Variants in RBBP5 observed in about 807,000 individuals in gnomAD.
RBBP5 encodes RB binding protein 5, histone lysine methyltransferase complex subunit, also known as retinoblastoma-binding protein 5.
In RBBP5, 5 loss-of-function variants were observed where a neutral mutation model predicts 72.2. The ratio of observed to expected loss-of-function variants is 0.07; its 90% CI spans 0.04 to 0.15. The LOEUF (loss-of-function observed/expected upper bound fraction) is 0.15. Ranked by LOEUF, RBBP5 falls within the 10% of genes least tolerant of loss-of-function variation. The pLI is 1.00. For synonymous variants in RBBP5, 209 were observed against 237.2 expected, an observed-to-expected ratio of 0.88 and a Z score of 1.09; for missense variants, 322 against 652.2, an observed-to-expected ratio of 0.49 and a Z score of 5.51.
intron 3 of RBBP5, among the ~76,000 whole-genome samples, chr1:205,109,038 GGC>G (rs1288832323): frequency 6.6e-6 from 1 of 152,274 alleles, no homozygotes; most frequent in East Asian, 1.9e-4. Flanking sequence ...AACAGAGGAA[GGC>G]AGGGGTAAGC....
chr1:205,113,067 G>A lies in RBBP5; in HGVS notation c.218+1722C>T, dbSNP rs531415178. Among the ~76,000 whole-genome samples, 18 of 152,158 alleles carry A rather than the reference G, an allele frequency of 1.2e-4. No individual in the cohort carries two copies. The East Asian group carries it at 2.7e-3, about 23-fold the overall frequency. Reference sequence around the variant, plus strand: ...TTCAAGGTTGCAGTGAACTGTGATCGTGCCTGTGACTAGCCACTGCACTCC... The same window carrying A: ...TTCAAGGTTGCAGTGAACTGTGATCATGCCTGTGACTAGCCACTGCACTCC... On this transcript the variant is annotated intron_variant, in intron 3 of 13. Coordinates refer to ENST00000264515, the MANE Select transcript of RBBP5 (RefSeq NM_005057.4).
chr1:205,098,899 C>T (rs1413360173), intron 10 of RBBP5, 90 bp downstream of exon 10: 2 of 810,752 alleles, frequency 2.5e-6, no homozygotes, highest in Non-Finnish European at 3.6e-6. Context: ...AGATGAAGTG[C>T]TGAAATAAAT....
chr1:205,099,597 A>G lies in RBBP5; in HGVS notation c.978+144T>C. 2.4e-6 allele frequency: 2 copies of G among 824,134 alleles called. No homozygotes were observed. The highest frequency in any genetic ancestry group is 3.7e-6 in the Non-Finnish European group (2 of 543,284). 51.1% of individuals were successfully genotyped at this position (824,134 alleles called of 1,614,324 possible). A position where few individuals can be genotyped will look rare whatever the true frequency, so the allele number is the denominator to read the frequency against. On this transcript the variant is annotated intron_variant, in intron 9 of 13. Coordinates refer to ENST00000264515, the MANE Select transcript of RBBP5 (RefSeq NM_005057.4). This position sits in a 1 kb window ranked among gnomAD's most constrained non-coding sequence, Gnocchi z 4.7. ...CTTCCCACCAAAATAAAGTGCAACT[A>G]GATGCACTGAACCTATGTAATTTAG... is the stretch of plus-strand genomic sequence containing the variant.
chr1:205,087,628 T>C lies in RBBP5; in HGVS notation c.*1159A>G, dbSNP rs973839465. On this transcript the variant is annotated 3_prime_UTR_variant, in exon 14 of 14. Coordinates refer to ENST00000264515, the MANE Select transcript of RBBP5 (RefSeq NM_005057.4). ...AGCTAAAAACGCCACTCAGAGAAGC[T>C]ACTGAGCCCTTTTCACACCTGGTTT... 1 of 148,268 alleles carries C rather than the reference T, an allele frequency of 6.7e-6. No homozygotes were observed. The highest frequency in any genetic ancestry group is 2.5e-5 in the African/African-American group (1 of 40,042). 9.2% of individuals were successfully genotyped at this position (148,268 alleles called of 1,614,324 possible).
At chr1:205,092,127 T>C (rs2102251163) in intron 13 of RBBP5, among the ~76,000 whole-genome samples, 1 of 152,220 alleles carries the variant, frequency 6.6e-6, no homozygotes, top group Admixed American at 6.5e-5. Context: ...ACATGATAGG[T>C]TGCCCTAAAA....
chr1:205,117,431 C>A (rs1279941020), intron 1 of RBBP5, among the ~76,000 whole-genome samples: 1 of 151,596 alleles, frequency 6.6e-6, no homozygotes, highest in Non-Finnish European at 1.5e-5. Context: ...GAAGCTGAGG[C>A]AGGTGGATCA....
chr1:205,105,130 G>C lies in RBBP5; in HGVS notation c.257C>G (p.Thr86Ser). The part of the protein sequence containing the change: ...RDGHKLVSAS[T>S]DNIVSQWDVL... ...ATCCCACTGTGACACTATGTTATCA[G>C]TGGAAGCACTCACGAGTTTATGACC... The change falls in exon 4 of 14, where the codon ACT becomes AGT. Residue 86 changes from threonine to serine, a missense_variant. Coordinates refer to ENST00000264515, the MANE Select transcript of RBBP5 (RefSeq NM_005057.4). 6.2e-7 allele frequency: 1 copy of C among 1,613,610 alleles called. No homozygotes were observed.
At chr1:205,102,972 A>G (rs945746633) in intron 5 of RBBP5, among the ~76,000 whole-genome samples, 1 of 150,468 alleles carries the variant, frequency 6.6e-6, no homozygotes, top group African/African-American at 2.5e-5. Flanking sequence ...CAGCCTGGGC[A>G]ACAACAAGAG....
At chr1:205,094,542 C>T (rs1655536940) in intron 13 of RBBP5, among the ~76,000 whole-genome samples, 1 of 152,214 alleles carries the variant, frequency 6.6e-6, no homozygotes. Context: ...ACCAGAGGTT[C>T]TTACCCTTCT....
At chr1:205,092,917 C>G (rs756911808) in intron 13 of RBBP5, among the ~76,000 whole-genome samples, 1 of 152,134 alleles carries the variant, frequency 6.6e-6, no homozygotes, top group African/African-American at 2.4e-5. Flanking sequence ...GGGATAGACA[C>G]GTTTTAAGAA....
intron 6 of RBBP5, 111 bp downstream of exon 6, chr1:205,101,489 C>T (rs1430054336): frequency 1.0e-5 from 7 of 701,208 alleles, no homozygotes; most frequent in Non-Finnish European, 1.5e-5. Flanking sequence ...ACCTTAAGTA[C>T]ATTTTTAAAA....
chr1:205,110,717 A>G (rs1656278175), intron 3 of RBBP5, among the ~76,000 whole-genome samples: 1 of 152,180 alleles, frequency 6.6e-6, no homozygotes, highest in African/African-American at 2.4e-5. Context: ...GAAGTAGACA[A>G]AGGGCTTTCA....
chr1:205,119,525 C>G (rs1289264131), intron 1 of RBBP5, among the ~76,000 whole-genome samples: 1 of 152,190 alleles, frequency 6.6e-6, no homozygotes, highest in Non-Finnish European at 1.5e-5. Flanking sequence ...TTTCTTCCAT[C>G]CTTAAGTTTT....
chr1:205,121,970 G>T lies in RBBP5; in HGVS notation c.-97C>A, dbSNP rs187151466. 41 of 1,568,088 alleles carry T rather than the reference G, an allele frequency of 2.6e-5. No homozygotes were observed. The South Asian group carries it at 3.2e-4, about 12-fold the overall frequency. On this transcript the variant is annotated 5_prime_UTR_variant, in exon 1 of 14. Transcript: ENST00000264515. ...GCGTCTAAGTGGTGGACGCCGCGAA[G>T]AGACTGGCGCAAGCTCCGAAGACTT...
intron 1 of RBBP5, among the ~76,000 whole-genome samples, chr1:205,120,121 T>C (rs180963230): frequency 7.7e-4 from 117 of 152,278 alleles, no homozygotes; most frequent in Admixed American, 6.2e-3. Flanking sequence ...ATTCTCAAAT[T>C]TGTCATCCCT....
intron 13 of RBBP5, among the ~76,000 whole-genome samples, chr1:205,094,255 G>A (rs1655526280): frequency 1.3e-5 from 2 of 152,186 alleles, no homozygotes; most frequent in South Asian, 2.1e-4. Context: ...ATCTCCTCCT[G>A]TTTTCAGATA....
chr1:205,118,225 G>C (rs1656602776), intron 1 of RBBP5, among the ~76,000 whole-genome samples: 1 of 152,108 alleles, frequency 6.6e-6, no homozygotes, highest in African/African-American at 2.4e-5. Flanking sequence ...GGGCAAAAGT[G>C]GTATCTTATT....
intron 1 of RBBP5, among the ~76,000 whole-genome samples, chr1:205,119,436 C>T (rs1314721756): frequency 1.3e-5 from 2 of 152,180 alleles, no homozygotes; most frequent in Non-Finnish European, 2.9e-5. Context: ...TAAGTTTTAT[C>T]CTAATGAACC....
rs761660120 is a variant in RBBP5, at chr1:205,100,081, G to A, written c.753-17C>T. 2 of 1,613,522 alleles carry A rather than the reference G, an allele frequency of 1.2e-6. No homozygotes were observed. The highest frequency in any genetic ancestry group is 1.7e-6 in the Non-Finnish European group (2 of 1,179,584). ...CATGGGGTCCTAAAGGACAAGGAAA[G>A]TACCAAGGAGAGCTGGAACTCAAGC... On this transcript the variant is annotated splice_polypyrimidine_tract_variant and intron_variant, in intron 7 of 13. Coordinates refer to ENST00000264515, the MANE Select transcript of RBBP5 (RefSeq NM_005057.4).
Sources: allele counts gnomAD v4.1 joint callset (sites outside exome capture counted in the v4.1 genomes callset), GRCh38; gene constraint gnomAD v4.1.1; non-coding constraint Gnocchi (gnomAD v3.1); transcripts MANE v1.5; gene names NCBI Gene and HGNC (gene_info 2026-07-23, HGNC 2026-07-21).